Variants in RAB10 observed in about 807,000 individuals in gnomAD.
The protein encoded by RAB10 is ras-related protein Rab-10.
A neutral mutation model predicts 25.7 loss-of-function variants in RAB10; 5 were observed. The observed-to-expected ratio is 0.19, with a 90% CI of 0.10 to 0.41. RAB10 has a LOEUF of 0.41. Ranked by LOEUF, RAB10 falls within the 10% of genes least tolerant of loss-of-function variation. The pLI is 1.00. For synonymous variants in RAB10, 89 were observed against 86.4 expected, an observed-to-expected ratio of 1.03 and a Z score of -0.16; for missense variants, 103 against 245.8, an observed-to-expected ratio of 0.42 and a Z score of 3.89.
At position 26,068,119 on chromosome 2, in the gene RAB10, A is replaced by G. The variant is rs1666550991; in HGVS notation, c.128-30543A>G. On this transcript the variant is annotated intron_variant, in intron 1 of 5. Transcript: ENST00000264710. ...AATGACATTTATACTGCTACATGAG[A>G]TATGATTAGAAGTTAGGTAGAAGAA... Among the ~76,000 whole-genome samples the G allele has an allele frequency of 2.0e-5, 3 of 152,146 alleles. No individual in the cohort carries two copies. The South Asian group carries it at 6.2e-4, about 32-fold the overall frequency.
Position 26,136,893 on chromosome 2 carries a change from A to G in RAB10, c.*1872A>G, listed in dbSNP as rs1668122712. The G allele has an allele frequency of 2.0e-5, 3 of 152,800 alleles. No individual in the cohort carries two copies. The South Asian group carries it at 6.2e-4, about 32-fold the overall frequency. 9.5% of individuals were successfully genotyped at this position (152,800 alleles called of 1,614,324 possible). ...TACTAGTAAAAAGCAGCATTGCCAAATAATCCCTAATTTTCCACTAAAAAT... is the reference window on the plus strand; with the variant it reads ...TACTAGTAAAAAGCAGCATTGCCAAGTAATCCCTAATTTTCCACTAAAAAT... On this transcript the variant is annotated 3_prime_UTR_variant, in exon 6 of 6. Transcript: ENST00000264710.
intron 1 of RAB10, among the ~76,000 whole-genome samples, chr2:26,071,961 A>G (rs1276020758): frequency 6.6e-6 from 1 of 152,306 alleles, no homozygotes; most frequent in Admixed American, 6.5e-5. Flanking sequence ...GATGAGGTCC[A>G]TGGTGATAAT....
chr2:26,132,402 C>T (rs998363034), intron 5 of RAB10, among the ~76,000 whole-genome samples: 40 of 152,154 alleles, frequency 2.6e-4, no homozygotes, highest in African/African-American at 7.7e-4. Context: ...TACAGGAGCC[C>T]GCCACCACGC....
At chr2:26,131,144 A>G (rs1009814763) in intron 5 of RAB10, among the ~76,000 whole-genome samples, 2 of 151,590 alleles carry the variant, frequency 1.3e-5, no homozygotes. Context: ...TGAGTATACT[A>G]TTAAATAAAG....
At chr2:26,079,193 T>A (rs571857641) in intron 1 of RAB10, among the ~76,000 whole-genome samples, 4 of 152,044 alleles carry the variant, frequency 2.6e-5, no homozygotes, top group South Asian at 4.2e-4. Flanking sequence ...TCTCAAAAAA[T>A]TTTTTTGTGA....
chr2:26,098,303 G>C (rs992803644), intron 1 of RAB10, among the ~76,000 whole-genome samples: 1 of 151,418 alleles, frequency 6.6e-6, no homozygotes, highest in African/African-American at 2.4e-5. Context: ...TGTGTTTTTA[G>C]TATTTTTGTA....
At chr2:26,108,726 C>G (rs1667513662) in intron 2 of RAB10, among the ~76,000 whole-genome samples, 1 of 151,968 alleles carries the variant, frequency 6.6e-6, no homozygotes, top group South Asian at 2.1e-4. Flanking sequence ...TTAGGAAAAG[C>G]TGGGTGAAAG....
intron 3 of RAB10, among the ~76,000 whole-genome samples, chr2:26,122,694 A>G (rs1022558567): frequency 6.6e-6 from 1 of 152,138 alleles, no homozygotes; most frequent in Non-Finnish European, 1.5e-5. Flanking sequence ...AAGTTATTAT[A>G]TGACAACTTA....
intron 3 of RAB10, among the ~76,000 whole-genome samples, chr2:26,124,389 CTTTTTTTTTT>C (rs10669615): frequency 8.8e-3 from 174 of 19,678 alleles, no homozygotes; most frequent in African/African-American, 0.03. Context: ...GTTGTTGTTG[CTTTTTTTTTT>C]TTTTTTTTTT....
At position 26,034,213 on chromosome 2, in the gene RAB10, G is replaced by T. The variant is rs990209064; in HGVS notation, c.-396G>T. On this transcript the variant is annotated 5_prime_UTR_variant, in exon 1 of 6. Coordinates refer to ENST00000264710, the MANE Select transcript of RAB10 (RefSeq NM_016131.5). ...GGGGTCCTTCTTCGCTGCCCTCGCC[G>T]CGTGCTAGCAGGGAGTTTCCGCTCG... The T allele has an allele frequency of 1.4e-5, 6 of 427,840 alleles. No individual in the cohort carries two copies. Among genetic ancestry groups the T allele is most frequent in the Non-Finnish European group, 2.5e-5 (6 of 241,904 alleles). The allele number at this position is 427,840 out of a possible 1,614,324, so 26.5% of individuals were successfully genotyped here.
intron 1 of RAB10, among the ~76,000 whole-genome samples, chr2:26,064,254 A>C: frequency 6.6e-6 from 1 of 152,232 alleles, no homozygotes; most frequent in East Asian, 1.9e-4. Context: ...TAAGCACAGA[A>C]GCTTTTGCTT....
At chr2:26,075,841 G>A (rs1031368772) in intron 1 of RAB10, among the ~76,000 whole-genome samples, 9 of 152,052 alleles carry the variant, frequency 5.9e-5, no homozygotes, top group Non-Finnish European at 1.2e-4. Flanking sequence ...TCCTTAAAAG[G>A]TGGAGGGTTA....
intron 1 of RAB10, among the ~76,000 whole-genome samples, chr2:26,041,059 G>T (rs1471248383): frequency 2.0e-5 from 3 of 150,904 alleles, no homozygotes; most frequent in Non-Finnish European, 3.0e-5. Context: ...TCTCATGTGT[G>T]CTAAACACCT....
chr2:26,059,816 A>G (rs1034773576), intron 1 of RAB10, among the ~76,000 whole-genome samples: 2 of 152,206 alleles, frequency 1.3e-5, no homozygotes, highest in Non-Finnish European at 2.9e-5. Context: ...GCAAGATGAA[A>G]AAGTTCTGGA....
At chr2:26,090,058 T>C (rs1667070883) in intron 1 of RAB10, among the ~76,000 whole-genome samples, 1 of 152,178 alleles carries the variant, frequency 6.6e-6, no homozygotes, top group Non-Finnish European at 1.5e-5. Context: ...CTGGAACTTT[T>C]CTGTTCTGAA....
At chr2:26,103,125 C>T (rs1430248136) in intron 2 of RAB10, among the ~76,000 whole-genome samples, 1 of 152,196 alleles carries the variant, frequency 6.6e-6, no homozygotes, top group African/African-American at 2.4e-5. Flanking sequence ...CATTCAAGGT[C>T]ACTAAGCTGG....
chr2:26,130,807 G>A (rs754035320), intron 5 of RAB10, among the ~76,000 whole-genome samples: 4 of 152,086 alleles, frequency 2.6e-5, no homozygotes, highest in Non-Finnish European at 5.9e-5. Context: ...TTTTAAACTT[G>A]GTGGAAGGTA....
intron 1 of RAB10, among the ~76,000 whole-genome samples, chr2:26,067,012 C>T (rs1033383853): frequency 1.3e-5 from 2 of 151,944 alleles, no homozygotes; most frequent in African/African-American, 2.4e-5. Flanking sequence ...GAACTCCTGA[C>T]CTCAAGTGAT....
intron 1 of RAB10, among the ~76,000 whole-genome samples, chr2:26,049,398 GT>G (rs1037525676): frequency 6.2e-4 from 93 of 150,368 alleles, no homozygotes; most frequent in African/African-American, 2.3e-3. Context: ...CTTTCTGAAA[GT>G]TTTTTTTCCC....
Sources: gnomAD v4.1 joint callset for allele counts (sites outside exome capture counted in the v4.1 genomes callset) on GRCh38, gnomAD v4.1.1 for gene constraint, MANE v1.5 for transcripts, NCBI Gene and HGNC (gene_info 2026-07-23, HGNC 2026-07-21) for gene names.